Variants in VIT observed in about 807,000 individuals in gnomAD.
The protein encoded by VIT is vitrin.
VIT carries 99 observed loss-of-function variants against 78.0 expected under a neutral mutation model. That is an observed-to-expected ratio of 1.27 (90% confidence interval 1.08 to 1.50). The LOEUF is 1.50. Among genes scored for constraint, VIT ranks in the 40% most tolerant of loss-of-function variants. The probability of loss-of-function intolerance (pLI) is 0.00; values close to 1 mark genes in which losing one functional copy is unlikely to be tolerated. For synonymous variants in VIT, 374 were observed against 334.3 expected (o/e 1.12, Z -1.29); for missense variants, 1,126 against 875.3 (o/e 1.29, Z -3.61).
At chr2:36,804,727 G>A (rs897788761) in intron 13 of VIT, among the ~76,000 whole-genome samples, 6 of 152,122 alleles carry the variant, frequency 3.9e-5, no homozygotes, top group African/African-American at 1.4e-4. Flanking sequence ...CTACTTGGCA[G>A]GCTGAGGCAG....
intron 4 of VIT, among the ~76,000 whole-genome samples, chr2:36,750,345 G>A (rs976224843): frequency 3.3e-5 from 5 of 152,202 alleles, no homozygotes; most frequent in African/African-American, 9.7e-5. Context: ...TGTCTGTGTA[G>A]AAAGTGACAT....
At chr2:36,699,614 A>ATATC (rs770001592) in intron 1 of VIT, among the ~76,000 whole-genome samples, 2 of 115,674 alleles carry the variant, frequency 1.7e-5, no homozygotes, top group Non-Finnish European at 3.8e-5. Context: ...ATAGATATAG[A>ATATC]TAGATATATA....
At chr2:36,791,511 T>TG (rs35459403) in intron 12 of VIT, among the ~76,000 whole-genome samples, 37 of 152,180 alleles carry the variant, frequency 2.4e-4, no homozygotes, top group Non-Finnish European at 4.4e-4. Context: ...AACTCTGAGA[T>TG]GGGGGGGTTC....
intron 13 of VIT, among the ~76,000 whole-genome samples, chr2:36,804,825 T>C (rs1289228877): frequency 6.7e-6 from 1 of 149,676 alleles, no homozygotes; most frequent in African/African-American, 2.5e-5. Flanking sequence ...TGAGAATCTG[T>C]CTCAGGGAAA....
chr2:36,742,809 G>T (rs1402053715), intron 3 of VIT, among the ~76,000 whole-genome samples: 17 of 152,162 alleles, frequency 1.1e-4, no homozygotes, highest in Admixed American at 1.1e-3. Flanking sequence ...ACTGGAGGTG[G>T]GTGGTCTTTT....
intron 14 of VIT, 64 bp downstream of exon 14, chr2:36,805,728 C>T (rs1273832768): frequency 6.5e-7 from 1 of 1,528,110 alleles, no homozygotes; most frequent in African/African-American, 1.4e-5. Flanking sequence ...AATTGTAACG[C>T]CGTTGCAGTG....
intron 14 of VIT, among the ~76,000 whole-genome samples, chr2:36,806,804 C>CCT (rs889727298): frequency 6.6e-6 from 1 of 152,132 alleles, no homozygotes; most frequent in African/African-American, 2.4e-5. Flanking sequence ...ACCTCTTGAT[C>CCT]CTCCCGCTTC....
At chr2:36,776,883 A>C (rs558051588) in intron 9 of VIT, among the ~76,000 whole-genome samples, 15 of 151,694 alleles carry the variant, frequency 9.9e-5, no homozygotes, top group Non-Finnish European at 7.4e-5. Flanking sequence ...AGGTCAGGAG[A>C]TCGAGACCAT....
At chr2:36,786,215 T>C (rs1270663356) in intron 11 of VIT, among the ~76,000 whole-genome samples, 1 of 152,194 alleles carries the variant, frequency 6.6e-6, no homozygotes, top group Non-Finnish European at 1.5e-5. Context: ...ATTTTTGTCT[T>C]CTAAATTGCA....
rs535907964 is a variant in VIT, at chr2:36,719,970, T to C, written c.52+3548T>C. Among the ~76,000 whole-genome samples the C allele has an allele frequency of 2.0e-5, 3 of 151,932 alleles. No homozygotes were observed. In the East Asian group the frequency reaches 5.8e-4, roughly 29 times the overall value. ...CACACACACAAAAAGATGCAGAAAATTAAAGAAGACATACATAAATGGAAA... is the reference window on the plus strand; with the variant it reads ...CACACACACAAAAAGATGCAGAAAACTAAAGAAGACATACATAAATGGAAA... On this transcript the variant is annotated intron_variant, in intron 2 of 15. Coordinates refer to ENST00000379242, the MANE Select transcript of VIT (RefSeq NM_053276.4).
chr2:36,745,436 C>T (rs1002127432), intron 4 of VIT, among the ~76,000 whole-genome samples: 4 of 152,104 alleles, frequency 2.6e-5, no homozygotes, highest in African/African-American at 9.7e-5. Flanking sequence ...GATTCTTCCA[C>T]TCCATGAGCA....
chr2:36,749,463 A>G (rs1668329603), intron 4 of VIT, among the ~76,000 whole-genome samples: 1 of 152,252 alleles, frequency 6.6e-6, no homozygotes, highest in African/African-American at 2.4e-5. Context: ...AGATAAATGT[A>G]TGCTTACTTA....
intron 1 of VIT, among the ~76,000 whole-genome samples, chr2:36,706,862 A>T (rs1665459415): frequency 1.3e-5 from 2 of 152,334 alleles, no homozygotes; most frequent in African/African-American, 4.8e-5. Context: ...TCATAGAATC[A>T]TTTGAAACTT....
At chr2:36,742,396 C>G (rs1667886862) in intron 3 of VIT, among the ~76,000 whole-genome samples, 2 of 152,124 alleles carry the variant, frequency 1.3e-5, no homozygotes, top group South Asian at 4.1e-4. Context: ...CCAGAGAGTT[C>G]CCAGCTTTCC....
At chr2:36,778,320 C>T (rs1670194106) in intron 9 of VIT, among the ~76,000 whole-genome samples, 1 of 152,182 alleles carries the variant, frequency 6.6e-6, no homozygotes, top group African/African-American at 2.4e-5. Context: ...GCCTTTACCC[C>T]TCCTACCACG....
intron 9 of VIT, 98 bp downstream of exon 9, chr2:36,775,165 T>C: frequency 7.1e-7 from 1 of 1,400,182 alleles, no homozygotes; most frequent in Non-Finnish European, 9.8e-7. Context: ...TCTTGGCCTC[T>C]GCAGCTCAAC....
intron 7 of VIT, among the ~76,000 whole-genome samples, chr2:36,768,554 T>A (rs925020693): frequency 1.3e-5 from 2 of 152,208 alleles, no homozygotes; most frequent in African/African-American, 2.4e-5. Context: ...ATTTATGACT[T>A]CCAATTTCAA....
intron 12 of VIT, among the ~76,000 whole-genome samples, chr2:36,799,923 C>T (rs1040533962): frequency 1.3e-5 from 2 of 151,882 alleles, no homozygotes; most frequent in African/African-American, 4.8e-5. Context: ...TGACACGCAC[C>T]GGTAGTCCCA....
chr2:36,738,053 C>A (rs193175237), intron 3 of VIT, among the ~76,000 whole-genome samples: 121 of 152,296 alleles, frequency 7.9e-4, no homozygotes, highest in Admixed American at 1.2e-3. Flanking sequence ...AGAAGAGTTA[C>A]TTTGCAGGTA....
Sources: allele counts gnomAD v4.1 joint callset (sites outside exome capture counted in the v4.1 genomes callset), GRCh38; gene constraint gnomAD v4.1.1; transcripts MANE v1.5; gene names NCBI Gene and HGNC (gene_info 2026-07-23, HGNC 2026-07-21).